FGGY: variants seen among roughly 807,000 people sequenced by gnomAD.
The protein encoded by FGGY is FGGY carbohydrate kinase domain-containing protein.
A neutral mutation model predicts 71.3 loss-of-function variants in FGGY; 72 were observed. That is an observed-to-expected ratio of 1.01 (90% CI 0.84 to 1.23). FGGY has a LOEUF of 1.23. Ranked by LOEUF, FGGY falls within the 50% of genes most tolerant of loss-of-function variation. The probability of loss-of-function intolerance (pLI) is 0.00; values close to 1 mark genes in which losing one functional copy is unlikely to be tolerated. For synonymous variants in FGGY, 251 were observed against 250.3 expected, an observed-to-expected ratio of 1.00 and a Z score of -0.02; for missense variants, 668 against 682.3, an observed-to-expected ratio of 0.98 and a Z score of 0.23.
At chr1:59,590,802 G>T (rs982936707) in intron 8 of FGGY, among the ~76,000 whole-genome samples, 6 of 152,062 alleles carry the variant, frequency 3.9e-5, no homozygotes, top group Non-Finnish European at 8.8e-5. Flanking sequence ...AATAATAAGA[G>T]CTATCTATGA....
At chr1:59,678,904 A>G (rs938410415) in intron 14 of FGGY, among the ~76,000 whole-genome samples, 1 of 152,214 alleles carries the variant, frequency 6.6e-6, no homozygotes, top group African/African-American at 2.4e-5. Flanking sequence ...TCAGCCAATT[A>G]ATCACAGACC....
intron 14 of FGGY, among the ~76,000 whole-genome samples, chr1:59,736,749 G>T (rs2098108542): frequency 6.6e-6 from 1 of 152,202 alleles, no homozygotes; most frequent in South Asian, 2.1e-4. Context: ...AAAATTTGCA[G>T]CCTGACAATG....
At chr1:59,464,993 A>T (rs947984590) in intron 6 of FGGY, among the ~76,000 whole-genome samples, 2 of 152,258 alleles carry the variant, frequency 1.3e-5, no homozygotes, top group Non-Finnish European at 2.9e-5. Flanking sequence ...AAAAGAGGGT[A>T]TCCTCCCTAA....
At chr1:59,340,867 A>G (rs1429309177) in intron 3 of FGGY, among the ~76,000 whole-genome samples, 1 of 152,198 alleles carries the variant, frequency 6.6e-6, no homozygotes, top group African/African-American at 2.4e-5. Context: ...TAACCTTGTA[A>G]TGAGCAGATG....
In FGGY at chr1:59,410,269, A is replaced by G. The variant is rs147081165; in HGVS notation, c.554+31432A>G. On this transcript the variant is annotated intron_variant, in intron 5 of 15. Transcript: ENST00000303721. ...AACAATGATGATGGATCTTGTTACC[A>G]TATGTGAATATCTGTGTGTACTAGG... Among the ~76,000 whole-genome samples, 20 of 152,334 alleles carry G rather than the reference A, an allele frequency of 1.3e-4. No individual in the cohort carries two copies. In the East Asian group the frequency reaches 3.9e-3, roughly 29 times the overall value.
intron 5 of FGGY, among the ~76,000 whole-genome samples, chr1:59,446,571 GTTGATA>G (rs1362845976): frequency 6.6e-6 from 1 of 152,076 alleles, no homozygotes; most frequent in Non-Finnish European, 1.5e-5. Flanking sequence ...TGGTCTCTTT[GTTGATA>G]CAATTAGCAA....
At chr1:59,414,221 A>C (rs182437154) in intron 5 of FGGY, among the ~76,000 whole-genome samples, 61 of 152,334 alleles carry the variant, frequency 4.0e-4, no homozygotes, top group African/African-American at 1.2e-3. Flanking sequence ...TTGAAGGCCC[A>C]GAAAGAGGAC....
intron 9 of FGGY, among the ~76,000 whole-genome samples, chr1:59,620,643 T>C (rs991700552): frequency 6.6e-6 from 1 of 152,154 alleles, no homozygotes; most frequent in African/African-American, 2.4e-5. Context: ...AATTTTAAGT[T>C]ATCTATTGGC....
intron 6 of FGGY, among the ~76,000 whole-genome samples, chr1:59,458,554 A>G (rs1292349984): frequency 6.6e-6 from 1 of 152,186 alleles, no homozygotes; most frequent in Non-Finnish European, 1.5e-5. Context: ...CACATGACAC[A>G]TGTTTAATTA....
intron 5 of FGGY, among the ~76,000 whole-genome samples, chr1:59,384,499 A>G (rs1016672585): frequency 2.6e-5 from 4 of 152,176 alleles, no homozygotes; most frequent in Admixed American, 1.3e-4. Context: ...CACCTGCTCC[A>G]TGGGGTTATT....
chr1:59,726,069 C>T (rs1558919103), intron 14 of FGGY, among the ~76,000 whole-genome samples: 2 of 151,968 alleles, frequency 1.3e-5, no homozygotes, highest in East Asian at 1.9e-4. Context: ...TGTTCTTTAT[C>T]GAGGTGAGGA....
At chr1:59,330,877 A>G (rs1469729067) in intron 2 of FGGY, among the ~76,000 whole-genome samples, 1 of 152,172 alleles carries the variant, frequency 6.6e-6, no homozygotes, top group Non-Finnish European at 1.5e-5. Context: ...GAGATTGACC[A>G]GTCTTGCAAC....
intron 1 of FGGY, among the ~76,000 whole-genome samples, chr1:59,319,246 G>A (rs1240300006): frequency 2.0e-5 from 3 of 152,214 alleles, no homozygotes; most frequent in African/African-American, 4.8e-5. Flanking sequence ...TGAATAAAAT[G>A]TGGTTGTAAA....
chr1:59,660,344 TC>T (rs1459611018), intron 12 of FGGY, 51 bp downstream of exon 12: 2 of 1,394,450 alleles, frequency 1.4e-6, no homozygotes, highest in Non-Finnish European at 2.0e-6. Flanking sequence ...ATCAGTATAC[TC>T]TAGGCCACTG....
chr1:59,704,125 A>C (rs995467619), intron 14 of FGGY, among the ~76,000 whole-genome samples: 2 of 152,138 alleles, frequency 1.3e-5, no homozygotes, highest in African/African-American at 2.4e-5. Flanking sequence ...ACATGTTCAG[A>C]TGTGTGAGCA....
chr1:59,702,669 A>T (rs2154020302), intron 14 of FGGY, among the ~76,000 whole-genome samples: 1 of 152,066 alleles, frequency 6.6e-6, no homozygotes, highest in African/African-American at 2.4e-5. Flanking sequence ...TTGCTGTACT[A>T]CTCTCTTGTG....
intron 5 of FGGY, among the ~76,000 whole-genome samples, chr1:59,397,279 A>C (rs1348514768): frequency 6.6e-6 from 1 of 152,122 alleles, no homozygotes; most frequent in Non-Finnish European, 1.5e-5. Context: ...ATTCCATTCC[A>C]CGGCTACCAG....
At chr1:59,586,641 A>C (rs2096293624) in intron 8 of FGGY, among the ~76,000 whole-genome samples, 1 of 152,218 alleles carries the variant, frequency 6.6e-6, no homozygotes, top group African/African-American at 2.4e-5. Context: ...CATGTACCCT[A>C]AAACTTAAAG....
chr1:59,467,188 C>T (rs1359685440), intron 6 of FGGY, among the ~76,000 whole-genome samples: 1 of 152,086 alleles, frequency 6.6e-6, no homozygotes, highest in Non-Finnish European at 1.5e-5. Context: ...AGGATGAGTA[C>T]ATGTCTTTTG....
Sources: allele counts gnomAD v4.1 joint callset (sites outside exome capture counted in the v4.1 genomes callset), GRCh38; gene constraint gnomAD v4.1.1; transcripts MANE v1.5; gene names NCBI Gene and HGNC (gene_info 2026-07-23, HGNC 2026-07-21).